The following SLC7A13 variants were observed in gnomAD, a reference collection of about 807,000 sequenced individuals.
SLC7A13 encodes X-amino acid transporter 2.
In SLC7A13, 31 loss-of-function variants were observed where a neutral mutation model predicts 32.0. The observed-to-expected ratio is 0.97, with a 90% CI of 0.73 to 1.31. SLC7A13 has a LOEUF of 1.31. Ranked by LOEUF, SLC7A13 falls within the 50% of genes most tolerant of loss-of-function variation. SLC7A13 has a pLI of 0.00. For synonymous variants in SLC7A13, 232 were observed against 206.9 expected, an observed-to-expected ratio of 1.12 and a Z score of -1.04; for missense variants, 633 against 546.9, an observed-to-expected ratio of 1.16 and a Z score of -1.57.
Position 86,214,543 on chromosome 8 carries a change from A to G in SLC7A13, c.1283T>C (p.Leu428Ser). The G allele has an allele frequency of 1.2e-6, 2 of 1,613,690 alleles. No homozygotes were observed. The highest frequency in any genetic ancestry group is 1.7e-6 in the Non-Finnish European group (2 of 1,179,792). The stretch of plus-strand genomic sequence containing the variant: ...GTAAAATAGTAATCCGCTGAGAACT[A>G]ACAGAAGCACGTAGACATAATGCAC... Reference protein sequence around the residue: ...PNVHYVYVLLLVLSGLLFYIP... With the variant: ...PNVHYVYVLLSVLSGLLFYIP... Residue 428 changes from leucine (L) to serine (S), a missense_variant, in exon 4 of 4, where the codon TTA becomes TCA. Coordinates refer to ENST00000297524, the MANE Select transcript of SLC7A13 (RefSeq NM_138817.3).
intron 3 of SLC7A13, among the ~76,000 whole-genome samples, chr8:86,216,420 A>G (rs1225719982): frequency 6.6e-6 from 1 of 152,266 alleles, no homozygotes; most frequent in African/African-American, 2.4e-5. Context: ...ATAGATTATA[A>G]CCTGCCTAAA....
rs77604575 is a variant in SLC7A13, at chr8:86,230,143, G to A, written c.135C>T (p.Asn45=). 2.4e-5 allele frequency: 38 copies of A among 1,614,060 alleles called. No individual in the cohort carries two copies. Among genetic ancestry groups the A allele is most frequent in the African/African-American group, 6.7e-5 (5 of 75,006 alleles). ...PKGVLAYSCM[N]VGVSLCVWAG... is the part of the protein sequence containing the mutation. ...CCCAAACGCACAGGGAGACTCCCAC[G>A]TTCATGCAAGAGTATGCCAACACAC... The change falls in exon 1 of 4, where the codon AAC becomes AAT. Residue 45 remains asparagine, a synonymous_variant. Coordinates refer to ENST00000297524, the MANE Select transcript of SLC7A13 (RefSeq NM_138817.3).
intron 1 of SLC7A13, among the ~76,000 whole-genome samples, chr8:86,226,163 A>G (rs1820386557): frequency 6.6e-6 from 1 of 152,192 alleles, no homozygotes; most frequent in African/African-American, 2.4e-5. Context: ...TTCAGCTGAC[A>G]ATAATTATCT....
At position 86,229,842 on chromosome 8, in the gene SLC7A13, C is replaced by G; in HGVS notation, c.436G>C (p.Gly146Arg). 6.2e-7 allele frequency: 1 copy of G among 1,614,176 alleles called. No individual in the cohort carries two copies. Among genetic ancestry groups the G allele is most frequent in the Non-Finnish European group, 8.5e-7 (1 of 1,180,028 alleles). ...TTCACACCACGAGAAGTCAGAATTC[C>G]TACAATCCACAACATGGCCAATGCC... ...CLALAMLWIV[G>R]ILTSRGVKEV... The change falls in exon 1 of 4, where the codon GGA becomes CGA. Residue 146 changes from glycine (G) to arginine (R), a missense_variant. Physicochemically the swap from Gly to Arg is moderately radical, Grantham distance 125. Transcript: ENST00000297524.
chr8:86,217,504 CTCCGCCTTAGTAT>C lies in SLC7A13; in HGVS notation c.1132_1144del (p.Ile378AspfsTer19), dbSNP rs1287262548. The stretch of plus-strand genomic sequence containing the variant: ...TATAGATAGATTGGGTTCCTGGTAT[CTCCGCCTTAGTAT>C]TCCTATCATTAATAATATAGACCAT... On this transcript the variant is annotated frameshift_variant, in exon 3 of 4. Coordinates refer to ENST00000297524, the MANE Select transcript of SLC7A13 (RefSeq NM_138817.3). LOFTEE classifies it low-confidence loss of function (END_TRUNC). 6.3e-7 allele frequency: 1 copy of C among 1,594,904 alleles called. No individual in the cohort carries two copies. The highest frequency in any genetic ancestry group is 1.8e-5 in the Admixed American group (1 of 55,776).
rs769200293 is a variant in SLC7A13 at position 86,222,962 on chromosome 8, G to T, written c.817+10C>A. 2.5e-6 allele frequency: 4 copies of T among 1,585,690 alleles called. No individual in the cohort carries two copies. The African/African-American group carries it at 4.1e-5, about 16-fold the overall frequency. ...ACTTTATTTATTGCTTTAGCCATTT[G>T]CATACAAACCTGAAGAGAGAATTTC... is the stretch of plus-strand genomic sequence containing the variant. On this transcript the variant is annotated intron_variant, in intron 2 of 3. Coordinates refer to ENST00000297524, the MANE Select transcript of SLC7A13 (RefSeq NM_138817.3).
Position 86,214,526 on chromosome 8 carries a change from G to A in SLC7A13, c.1300C>T (p.Leu434=). ...YVLLLVLSGL[L]FYIPLIHFKI... is the part of the protein sequence containing the mutation. ...AAATGTATTAAAGGTATGTAAAATAGTAATCCGCTGAGAACTAACAGAAGC... is the reference window on the plus strand; with the variant it reads ...AAATGTATTAAAGGTATGTAAAATAATAATCCGCTGAGAACTAACAGAAGC... Residue 434 remains leucine (L), a synonymous_variant, in exon 4 of 4, where the codon CTA becomes TTA. Transcript: ENST00000297524. 1 of 1,613,002 alleles carries A rather than the reference G, an allele frequency of 6.2e-7. No individual in the cohort carries two copies. The highest frequency in any genetic ancestry group is 8.5e-7 in the Non-Finnish European group (1 of 1,179,376).
Position 86,222,627 on chromosome 8 carries a change from T to A in SLC7A13, c.817+345A>T, listed in dbSNP as rs144214834. On this transcript the variant is annotated intron_variant, in intron 2 of 3. Coordinates refer to ENST00000297524, the MANE Select transcript of SLC7A13 (RefSeq NM_138817.3). ...GTGACACCTAGAAAAACATTGAGAC[T>A]CAAACATTTTGAAAGTTTTAAAATC... Among the ~76,000 whole-genome samples the A allele has an allele frequency of 1.5e-4, 23 of 152,300 alleles. No homozygotes were observed. The East Asian group carries it at 4.4e-3, about 29-fold the overall frequency.
In SLC7A13 at chr8:86,222,990, T is replaced by C; in HGVS notation, c.799A>G (p.Arg267Gly). 1 of 1,604,686 alleles carries C rather than the reference T, an allele frequency of 6.2e-7. No individual in the cohort carries two copies. Among genetic ancestry groups the C allele is most frequent in the Non-Finnish European group, 8.5e-7 (1 of 1,176,158 alleles). ...TACAAACCTGAAGAGAGAATTTCCC[T>C]GGGTGTCAGAACAGTCAGATAGGAA... is the stretch of plus-strand genomic sequence containing the variant. ...NISYLTVLTP[R>G]EILSSDAVAI... The change falls in exon 2 of 4, where the codon AGG becomes GGG. Residue 267 changes from arginine (R) to glycine (G), a missense_variant. Physicochemically the swap from Arg to Gly is moderately radical, Grantham distance 125. Transcript: ENST00000297524.
At position 86,214,310 on chromosome 8, in the gene SLC7A13, A is replaced by G; in HGVS notation, c.*103T>C. On this transcript the variant is annotated 3_prime_UTR_variant, in exon 4 of 4. Transcript: ENST00000297524. ...CATTTGAGAAAAAAATATTTACCATAGGAATTTCACCATGAATGTTCTATC... is the reference window on the plus strand; with the variant it reads ...CATTTGAGAAAAAAATATTTACCATGGGAATTTCACCATGAATGTTCTATC... The G allele has an allele frequency of 1.5e-6, 1 of 689,036 alleles. No individual in the cohort carries two copies. The highest frequency in any genetic ancestry group is 2.1e-5 in the South Asian group (1 of 48,302). 42.7% of individuals were successfully genotyped at this position (689,036 alleles called of 1,614,324 possible).
At position 86,214,205 on chromosome 8, in the gene SLC7A13, C is replaced by T. The variant is rs1038869958; in HGVS notation, c.*208G>A. 2.1e-5 allele frequency: 9 copies of T among 423,010 alleles called. No individual in the cohort carries two copies. The highest frequency in any genetic ancestry group is 7.3e-5 in the East Asian group (2 of 27,368). The allele number at this position is 423,010 out of a possible 1,614,324, so 26.2% of individuals were successfully genotyped here. On this transcript the variant is annotated 3_prime_UTR_variant, in exon 4 of 4. Coordinates refer to ENST00000297524, the MANE Select transcript of SLC7A13 (RefSeq NM_138817.3). ...ACCAGGACTTAAGTTTTTTACCATG[C>T]GAAGCAGAGCTTTTAGCAATTTCTT...
chr8:86,221,241 T>C (rs2129792365), intron 2 of SLC7A13, among the ~76,000 whole-genome samples: 1 of 152,220 alleles, frequency 6.6e-6, no homozygotes, highest in South Asian at 2.1e-4. Context: ...AACAATATCA[T>C]CTTTTACAAA....
At chr8:86,215,484 G>A (rs1343387685) in intron 3 of SLC7A13, 3 of 239,554 alleles carry the variant, frequency 1.3e-5, no homozygotes, top group African/African-American at 4.7e-5. Context: ...TCAGGAGATC[G>A]AGATCAGCCT....
chr8:86,220,176 C>T (rs989424290), intron 2 of SLC7A13, among the ~76,000 whole-genome samples: 17 of 151,994 alleles, frequency 1.1e-4, no homozygotes, highest in African/African-American at 2.7e-4. Flanking sequence ...AATGTATTTA[C>T]GGTTTTAGAT....
At chr8:86,228,872 G>A (rs1236983184) in intron 1 of SLC7A13, among the ~76,000 whole-genome samples, 1 of 151,742 alleles carries the variant, frequency 6.6e-6, no homozygotes, top group Non-Finnish European at 1.5e-5. Flanking sequence ...CTGAGGAGAG[G>A]GATCTCACTA....
intron 1 of SLC7A13, among the ~76,000 whole-genome samples, chr8:86,226,105 C>G (rs951243679): frequency 2.6e-5 from 4 of 152,116 alleles, no homozygotes; most frequent in African/African-American, 9.7e-5. Flanking sequence ...TTGTGAGGAA[C>G]TCCATAATAG....
intron 1 of SLC7A13, among the ~76,000 whole-genome samples, chr8:86,225,659 C>T (rs1417530349): frequency 2.0e-5 from 3 of 152,020 alleles, no homozygotes; most frequent in East Asian, 1.9e-4. Flanking sequence ...TGGTGATTCA[C>T]GTCTGTAAAC....
At chr8:86,216,240 A>T (rs1263381684) in intron 3 of SLC7A13, among the ~76,000 whole-genome samples, 1 of 152,218 alleles carries the variant, frequency 6.6e-6, no homozygotes. Flanking sequence ...AAGATGCAGC[A>T]TGTGAAACTA....
At chr8:86,223,141 CATT>C in intron 1 of SLC7A13, 38 bp from the exon 2 acceptor site, 1 of 1,518,134 alleles carries the variant, frequency 6.6e-7, no homozygotes, top group Non-Finnish European at 8.8e-7. Flanking sequence ...AATTGGTAAA[CATT>C]ATTTCTAAAA....
Sources: gnomAD v4.1 joint callset for allele counts (sites outside exome capture counted in the v4.1 genomes callset) on GRCh38, gnomAD v4.1.1 for gene constraint, MANE v1.5 for transcripts, NCBI Gene and HGNC (gene_info 2026-07-23, HGNC 2026-07-21) for gene names.